Variants in LSAMP observed in about 807,000 individuals in gnomAD.
LSAMP encodes the protein limbic system associated membrane protein.
Under a neutral mutation model 38.6 loss-of-function variants are expected in LSAMP, and 7 were observed. The ratio of observed to expected loss-of-function variants is 0.18; its 90% CI spans 0.10 to 0.34. The LOEUF (loss-of-function observed/expected upper bound fraction) is 0.34. Ranked by LOEUF, LSAMP falls within the 10% of genes least tolerant of loss-of-function variation. The probability of loss-of-function intolerance (pLI) is 1.00; values close to 1 mark genes in which losing one functional copy is unlikely to be tolerated. For missense variants in LSAMP, 313 were observed against 420.0 expected (o/e 0.75, Z 2.23); for synonymous variants, 154 against 166.8 (o/e 0.92, Z 0.59).
chr3:116,262,562 A>G (rs2046837963), intron 1 of LSAMP, among the ~76,000 whole-genome samples: 1 of 152,158 alleles, frequency 6.6e-6, no homozygotes, highest in African/African-American at 2.4e-5. Context: ...ATGTGACTCT[A>G]TTCACTTTGG....
intron 3 of LSAMP, among the ~76,000 whole-genome samples, chr3:115,936,598 G>A (rs1937709681): frequency 6.6e-6 from 1 of 152,082 alleles, no homozygotes; most frequent in Non-Finnish European, 1.5e-5. Flanking sequence ...CTGAGTTAAG[G>A]AGGAAAAGTG....
chr3:116,064,961 G>A (rs1707385219), intron 2 of LSAMP, among the ~76,000 whole-genome samples: 1 of 152,166 alleles, frequency 6.6e-6, no homozygotes, highest in African/African-American at 2.4e-5. Flanking sequence ...AGCTCTAAAT[G>A]TGAAGTTCAA....
chr3:116,297,325 T>C (rs1255124029), intron 1 of LSAMP, among the ~76,000 whole-genome samples: 2 of 152,176 alleles, frequency 1.3e-5, no homozygotes, highest in Admixed American at 6.5e-5. Flanking sequence ...TTGGATATTA[T>C]TGGGGTGGTC....
chr3:116,175,716 TA>T (rs1172085689), intron 1 of LSAMP, among the ~76,000 whole-genome samples: 2 of 152,034 alleles, frequency 1.3e-5, no homozygotes, highest in African/African-American at 2.4e-5. Flanking sequence ...TTTTTTTTCT[TA>T]AAAAAAGAGA....
intron 3 of LSAMP, among the ~76,000 whole-genome samples, chr3:115,866,424 A>G (rs1180197981): frequency 6.6e-6 from 1 of 152,140 alleles, no homozygotes; most frequent in East Asian, 1.9e-4. Context: ...CACTGAGAAT[A>G]GGTCATTTAC....
At chr3:115,982,387 A>G (rs550897457) in intron 3 of LSAMP, among the ~76,000 whole-genome samples, 1 of 152,342 alleles carries the variant, frequency 6.6e-6, no homozygotes, top group East Asian at 1.9e-4. Context: ...CTGGATGCCT[A>G]TTAGTCCACA....
intron 1 of LSAMP, among the ~76,000 whole-genome samples, chr3:116,389,735 G>A (rs1426965281): frequency 6.6e-6 from 1 of 152,054 alleles, no homozygotes; most frequent in Non-Finnish European, 1.5e-5. Flanking sequence ...TGAACATGAT[G>A]TTCATTTATC....
chr3:115,885,060 C>A (rs1936416799), intron 3 of LSAMP, among the ~76,000 whole-genome samples: 2 of 151,770 alleles, frequency 1.3e-5, no homozygotes, highest in South Asian at 4.2e-4. Context: ...CAAGTAAAAA[C>A]ATTTAGGGAA....
intron 3 of LSAMP, among the ~76,000 whole-genome samples, chr3:115,883,266 A>G (rs965048349): frequency 3.3e-5 from 5 of 152,060 alleles, no homozygotes; most frequent in African/African-American, 9.7e-5. Context: ...GAGAACAGGG[A>G]AGTGACTAAA....
chr3:116,384,429 T>G (rs1353188018), intron 1 of LSAMP, among the ~76,000 whole-genome samples: 1 of 152,140 alleles, frequency 6.6e-6, no homozygotes, highest in Non-Finnish European at 1.5e-5. Flanking sequence ...TCAGCCCAAT[T>G]GAATCAGAAT....
At chr3:116,281,644 T>C (rs2047128798) in intron 1 of LSAMP, among the ~76,000 whole-genome samples, 1 of 152,246 alleles carries the variant, frequency 6.6e-6, no homozygotes, top group African/African-American at 2.4e-5. Context: ...ATTACTATTA[T>C]TACTTTCAGC....
intron 3 of LSAMP, among the ~76,000 whole-genome samples, chr3:115,912,659 T>TTTTG (rs572578851): frequency 1.3e-5 from 2 of 152,162 alleles, no homozygotes. Context: ...TTGTAGCCAG[T>TTTTG]TTTGTTTGTT....
chr3:116,406,856 G>A (rs939334237), intron 1 of LSAMP, among the ~76,000 whole-genome samples: 18 of 151,862 alleles, frequency 1.2e-4, no homozygotes, highest in Admixed American at 5.9e-4. Context: ...GAAAATGTAA[G>A]TATAAAGAAA....
chr3:116,415,442 T>C (rs1420901711), intron 1 of LSAMP, among the ~76,000 whole-genome samples: 1 of 152,148 alleles, frequency 6.6e-6, no homozygotes, highest in Non-Finnish European at 1.5e-5. Flanking sequence ...TTAAATCTGC[T>C]ATGATACAGA....
chr3:116,439,437 T>G (rs151120938), intron 1 of LSAMP, among the ~76,000 whole-genome samples: 1 of 152,020 alleles, frequency 6.6e-6, no homozygotes, highest in African/African-American at 2.4e-5. Context: ...ATTCTCAGAC[T>G]TACCAGGGAC....
intron 2 of LSAMP, among the ~76,000 whole-genome samples, chr3:116,039,152 G>A (rs995026890): frequency 6.6e-6 from 1 of 152,200 alleles, no homozygotes; most frequent in Non-Finnish European, 1.5e-5. Context: ...TATTGTGAAA[G>A]CTCAACAATA....
At position 115,841,804 on chromosome 3, in the gene LSAMP, A is replaced by G. The variant is rs1259242622; in HGVS notation, c.919+41T>C. 2.6e-6 allele frequency: 4 copies of G among 1,558,164 alleles called. No individual in the cohort carries two copies. The South Asian group carries it at 4.9e-5, about 19-fold the overall frequency. ...TTCACGTTTTTCATGTGAAAAGTCA[A>G]TTTAATTCCATCAAGTTGGGCCCTG... On this transcript the variant is annotated intron_variant, in intron 6 of 6. Coordinates refer to ENST00000490035, the MANE Select transcript of LSAMP (RefSeq NM_002338.5).
At chr3:115,867,325 G>A (rs1284335326) in intron 3 of LSAMP, among the ~76,000 whole-genome samples, 1 of 151,978 alleles carries the variant, frequency 6.6e-6, no homozygotes, top group Non-Finnish European at 1.5e-5. Flanking sequence ...TCGGTTTCTG[G>A]AAGGGTAAAC....
chr3:116,224,030 T>C (rs1228568937), intron 1 of LSAMP, among the ~76,000 whole-genome samples: 2 of 152,114 alleles, frequency 1.3e-5, no homozygotes, highest in Non-Finnish European at 2.9e-5. Flanking sequence ...AAAACTTTCC[T>C]GAAATTCCAT....
Sources: allele counts gnomAD v4.1 joint callset (sites outside exome capture counted in the v4.1 genomes callset), GRCh38; gene constraint gnomAD v4.1.1; transcripts MANE v1.5; gene names NCBI Gene and HGNC (gene_info 2026-07-23, HGNC 2026-07-21).